Variants in IL17F observed in about 807,000 individuals in gnomAD.
IL17F encodes interleukin-17F.
Under a neutral mutation model 8.3 loss-of-function variants are expected in IL17F, and 6 were observed. The ratio of observed to expected loss-of-function variants is 0.73; its 90% CI spans 0.40 to 1.43. The LOEUF (loss-of-function observed/expected upper bound fraction) is 1.43, where lower values mean the gene tolerates loss of function less well. IL17F is among the 40% of genes most tolerant of loss of function. The pLI is 0.02. For synonymous variants in IL17F, 98 were observed against 81.6 expected, an observed-to-expected ratio of 1.20 and a Z score of -1.08; for missense variants, 204 against 209.6, an observed-to-expected ratio of 0.97 and a Z score of 0.17.
chr6:52,239,508 T>C (rs941445374), intron 1 of IL17F, among the ~76,000 whole-genome samples: 1 of 152,126 alleles, frequency 6.6e-6, no homozygotes, highest in Admixed American at 6.5e-5. Flanking sequence ...ATCCTACCCT[T>C]CCATTAAGGC....
rs2128267450 is a variant in IL17F, at chr6:52,237,161, A to G, written c.262T>C (p.Trp88Arg). Residue 88 changes from tryptophan (W) to arginine (R), a missense_variant, in exon 3 of 3, where the codon TGG becomes CGG. By Grantham distance (101) the Trp-to-Arg change is moderately radical. Transcript: ENST00000336123. Reference sequence around the variant, plus strand: ...TCCGAGGGGTACCGGTTGGGGTCCCAAGTGACACTGCAGGAGGAGCAAGCC... The same window carrying G: ...TCCGAGGGGTACCGGTTGGGGTCCCGAGTGACACTGCAGGAGGAGCAAGCC... Reference protein sequence around the residue: ...STSPWNYTVTWDPNRYPSEVV... With the variant: ...STSPWNYTVTRDPNRYPSEVV... 6.2e-7 allele frequency: 1 copy of G among 1,613,624 alleles called. No homozygotes were observed.
chr6:52,243,586 T>G (rs1169766393), intron 1 of IL17F, among the ~76,000 whole-genome samples: 4 of 152,168 alleles, frequency 2.6e-5, no homozygotes, highest in Non-Finnish European at 5.9e-5. Flanking sequence ...ATGTACATAA[T>G]CCCTAAAGTG....
chr6:52,240,188 G>A (rs1027317582), intron 1 of IL17F, among the ~76,000 whole-genome samples: 3 of 152,170 alleles, frequency 2.0e-5, no homozygotes, highest in East Asian at 3.9e-4. Flanking sequence ...TGTAATCCCA[G>A]CATTTTGGGA....
intron 1 of IL17F, among the ~76,000 whole-genome samples, chr6:52,243,954 G>T (rs967477410): frequency 1.3e-5 from 2 of 152,288 alleles, no homozygotes; most frequent in Non-Finnish European, 1.5e-5. Context: ...TAGAGACAGG[G>T]TTTCAAGTTA....
rs1252375028 is a variant in IL17F at position 52,238,811 on chromosome 6, T to C, written c.173A>G (p.Asp58Gly). 6.2e-7 allele frequency: 1 copy of C among 1,614,162 alleles called. No individual in the cohort carries two copies. Among genetic ancestry groups the C allele is most frequent in the Non-Finnish European group, 8.5e-7 (1 of 1,179,990 alleles). The change falls in exon 2 of 3, where the codon GAC (aspartate) becomes GGC (glycine). Residue 58 changes from aspartate (D) to glycine (G), a missense_variant. Physicochemically the swap from Asp to Gly is moderately conservative, Grantham distance 94. Transcript: ENST00000336123. Reference protein sequence around the residue: ...PPVPGGSMKLDIGIINENQRV... With the variant: ...PPVPGGSMKLGIGIINENQRV... ...CTGGTTTTCATTGATGATGCCAATG[T>C]CAAGCTTCATACTACCTCCTGGCAC...
At chr6:52,238,096 G>A (rs986130293) in intron 2 of IL17F, among the ~76,000 whole-genome samples, 9 of 152,310 alleles carry the variant, frequency 5.9e-5, no homozygotes, top group African/African-American at 1.2e-4. Context: ...GTTCGAGGCA[G>A]GGGGCACTAC....
At chr6:52,242,593 T>A (rs1477263749) in intron 1 of IL17F, among the ~76,000 whole-genome samples, 1 of 152,176 alleles carries the variant, frequency 6.6e-6, no homozygotes, top group Non-Finnish European at 1.5e-5. Flanking sequence ...AATTCACAAA[T>A]CTTGCCTCTG....
intron 2 of IL17F, 27 bp downstream of exon 2, chr6:52,238,703 G>A: frequency 6.4e-7 from 1 of 1,559,108 alleles, no homozygotes; most frequent in African/African-American, 1.4e-5. Context: ...TCCAAAGAAT[G>A]TGAAAATCAG....
chr6:52,245,279 C>T (rs565671168), upstream of IL17F, among the ~76,000 whole-genome samples: 1 of 152,280 alleles, frequency 6.6e-6, no homozygotes, highest in East Asian at 1.9e-4. Flanking sequence ...AGAGTCAGAT[C>T]CCACAGGCTG....
intron 1 of IL17F, among the ~76,000 whole-genome samples, chr6:52,242,385 C>T (rs1024449470): frequency 1.7e-4 from 26 of 152,234 alleles, no homozygotes; most frequent in African/African-American, 6.0e-4. Context: ...ACCTCTAGGT[C>T]CATGAGAATT....
intron 1 of IL17F, among the ~76,000 whole-genome samples, chr6:52,239,688 G>T (rs1419329514): frequency 6.6e-6 from 1 of 152,204 alleles, no homozygotes; most frequent in African/African-American, 2.4e-5. Context: ...CCATTAGATT[G>T]TAAGTTCCTG....
At chr6:52,244,337 T>G in intron 1 of IL17F, 60 bp downstream of exon 1, 3 of 1,513,366 alleles carry the variant, frequency 2.0e-6, no homozygotes, top group Non-Finnish European at 2.8e-6. Flanking sequence ...TCCTTAGGAT[T>G]CTGTTTTCTG....
chr6:52,244,155 A>G (rs1191742733), intron 1 of IL17F, among the ~76,000 whole-genome samples: 2 of 152,052 alleles, frequency 1.3e-5, no homozygotes, highest in Admixed American at 1.3e-4. Flanking sequence ...TTGGCCTCCT[A>G]AAGTGCTGGG....
At chr6:52,241,238 C>T (rs1019648044) in intron 1 of IL17F, among the ~76,000 whole-genome samples, 1 of 152,092 alleles carries the variant, frequency 6.6e-6, no homozygotes, top group Admixed American at 6.5e-5. Context: ...GCCACCACAC[C>T]TGATAATTTT....
chr6:52,242,775 G>A (rs1056768730), intron 1 of IL17F, among the ~76,000 whole-genome samples: 5 of 152,140 alleles, frequency 3.3e-5, no homozygotes, highest in Admixed American at 2.6e-4. Flanking sequence ...GAATTTCCAG[G>A]ACAATAATAA....
intron 1 of IL17F, among the ~76,000 whole-genome samples, chr6:52,243,928 A>C (rs2128268787): frequency 6.6e-6 from 1 of 152,142 alleles, no homozygotes; most frequent in African/African-American, 2.4e-5. Flanking sequence ...TGCCCAGCTA[A>C]TTTTTGTATT....
In IL17F at chr6:52,238,931, G is replaced by A. The variant is rs145598353; in HGVS notation, c.53C>T (p.Ser18Leu). Reference sequence around the variant, plus strand: ...ACTCAGAAAGGCAAGCCCCAATATCGACAGCAGCAAGTACTTGACCTGGAA... The same window carrying A: ...ACTCAGAAAGGCAAGCCCCAATATCAACAGCAGCAAGTACTTGACCTGGAA... ...GPAMVKYLLL[S>L]ILGLAFLSEA... The change falls in exon 2 of 3, where the codon TCG becomes TTG. Residue 18 changes from serine (S) to leucine (L), a missense_variant. Ser to Leu is a moderately radical substitution (Grantham distance 145, BLOSUM62 -2). Transcript: ENST00000336123. 213 of 1,613,278 alleles carry A rather than the reference G, an allele frequency of 1.3e-4. 1 individual carries two copies. The African/African-American group carries it at 1.4e-3, about 10-fold the overall frequency.
At chr6:52,245,506 C>T (rs1352938763), upstream of IL17F, among the ~76,000 whole-genome samples, 1 of 152,200 alleles carries the variant, frequency 6.6e-6, no homozygotes, top group East Asian at 1.9e-4. Context: ...TACAAGTCAA[C>T]AGCCAGATGA....
At chr6:52,239,148 C>A (rs545025110) in intron 1 of IL17F, 198 bp from the exon 2 acceptor site, 9 of 594,016 alleles carry the variant, frequency 1.5e-5, no homozygotes. Flanking sequence ...AACTCAGTAG[C>A]CTAGCTAGTA....
Sources: gnomAD v4.1 joint callset for allele counts (sites outside exome capture counted in the v4.1 genomes callset) on GRCh38, gnomAD v4.1.1 for gene constraint, MANE v1.5 for transcripts, NCBI Gene and HGNC (gene_info 2026-07-23, HGNC 2026-07-21) for gene names.